CGB3: variants seen among roughly 807,000 people sequenced by gnomAD.
CGB3 encodes the protein chorionic gonadotropin subunit beta 3.
Under a neutral mutation model 5.1 loss-of-function variants are expected in CGB3, and 3 were observed. The observed-to-expected ratio is 0.59, with a 90% CI of 0.27 to 1.52. The LOEUF (loss-of-function observed/expected upper bound fraction) is 1.52. CGB3 is among the 40% of genes most tolerant of loss of function. The pLI is 0.13. For missense variants in CGB3, 44 were observed against 183.7 expected (o/e 0.24, Z 4.39); for synonymous variants, 21 against 80.9 (o/e 0.26, Z 3.97).
rs200880557 is a variant in CGB3, at chr19:49,023,911, T to C, written c.15+46A>G. 192 of 1,612,376 alleles carry C rather than the reference T, an allele frequency of 1.2e-4. 1 individual carries two copies. Among genetic ancestry groups the C allele is most frequent in the Non-Finnish European group, 1.6e-4 (191 of 1,179,786 alleles). Reference sequence around the variant, plus strand: ...GTCTGACCCCTTCTCATGCCAGTGATTGCCTGGAAGGAGGTGGAAGGTGCC... The same window carrying C: ...GTCTGACCCCTTCTCATGCCAGTGACTGCCTGGAAGGAGGTGGAAGGTGCC... On this transcript the variant is annotated intron_variant, in intron 1 of 2. Coordinates refer to ENST00000357383, the MANE Select transcript of CGB3 (RefSeq NM_000737.5).
Position 49,024,057 on chromosome 19 carries a change from T to C in CGB3, c.-86A>G. The C allele has an allele frequency of 1.3e-6, 2 of 1,596,596 alleles. No homozygotes were observed. The highest frequency in any genetic ancestry group is 1.7e-6 in the Non-Finnish European group (2 of 1,164,790). ...AGGCCACCAGGAGGTGATAGGATGCTGGGGTGAGCTCGACACTAACCCCTC... is the reference window on the plus strand; with the variant it reads ...AGGCCACCAGGAGGTGATAGGATGCCGGGGTGAGCTCGACACTAACCCCTC... On this transcript the variant is annotated 5_prime_UTR_variant, in exon 1 of 3. Coordinates refer to ENST00000357383, the MANE Select transcript of CGB3 (RefSeq NM_000737.5).
chr19:49,023,939 G>C lies in CGB3; in HGVS notation c.15+18C>G, dbSNP rs781537995. On this transcript the variant is annotated intron_variant, in intron 1 of 2. Coordinates refer to ENST00000357383, the MANE Select transcript of CGB3 (RefSeq NM_000737.5). ...CCTGGAAGGAGGTGGAAGGTGCCCA[G>C]GGGCCCTGCAGTCTTACCTGGAACA... The C allele has an allele frequency of 1.6e-5, 25 of 1,612,846 alleles. No individual in the cohort carries two copies. The highest frequency in any genetic ancestry group is 2.1e-5 in the Non-Finnish European group (25 of 1,179,770).
chr19:49,023,999 C>T lies in CGB3; in HGVS notation c.-28G>A, dbSNP rs568286047. On this transcript the variant is annotated 5_prime_UTR_variant, in exon 1 of 3. Coordinates refer to ENST00000357383, the MANE Select transcript of CGB3 (RefSeq NM_000737.5). ...TTGGTGCGTCCCCTGCCTCGTGTAC[C>T]TGGCTTTATACCTCGGGGTTGTGGG... The T allele has an allele frequency of 2.5e-6, 4 of 1,613,206 alleles. No homozygotes were observed. The African/African-American group carries it at 4.0e-5, about 16-fold the overall frequency.
In CGB3 at chr19:49,024,065, G is replaced by C. The variant is rs902442857; in HGVS notation, c.-94C>G. The C allele has an allele frequency of 2.5e-6, 4 of 1,600,212 alleles. No individual in the cohort carries two copies. Among genetic ancestry groups the C allele is most frequent in the Non-Finnish European group, 3.4e-6 (4 of 1,168,302 alleles). On this transcript the variant is annotated 5_prime_UTR_variant, in exon 1 of 3. Coordinates refer to ENST00000357383, the MANE Select transcript of CGB3 (RefSeq NM_000737.5). ...AGGAGGTGATAGGATGCTGGGGTGA[G>C]CTCGACACTAACCCCTCGGGGGGCA...
rs1346626180 is a variant in CGB3, at chr19:49,023,075, G to C, written c.309C>G (p.Ala103=). The C allele has an allele frequency of 2.1e-6, 3 of 1,453,018 alleles. No individual in the cohort carries two copies. Among genetic ancestry groups the C allele is most frequent in the Non-Finnish European group, 2.8e-6 (3 of 1,076,974 alleles). The allele number at this position is 1,453,018 out of a possible 1,614,324, so 90.0% of individuals were successfully genotyped here. The change falls in exon 3 of 3, where the codon GCC becomes GCG. Residue 103 remains alanine (A), a synonymous_variant. Transcript: ENST00000357383. ...GTGCACATTGACAGCTGAGAGCCAC[G>C]GCGTAGGAGACCACGGGGTTCACGC... The part of the protein sequence containing the change: ...PRGVNPVVSY[A]VALSCQCALC...
rs1162076323 is a variant in CGB3, at chr19:49,024,111, G to A, written c.-140C>T. ...GGGCAAGAGGTAGACAAGGCCAGGG[G>A]GGCGCAGGAGTGGCTCAGCGGAGCG... On this transcript the variant is annotated 5_prime_UTR_variant, in exon 1 of 3. Coordinates refer to ENST00000357383, the MANE Select transcript of CGB3 (RefSeq NM_000737.5). 6.0e-5 allele frequency: 92 copies of A among 1,531,122 alleles called. No homozygotes were observed. The highest frequency in any genetic ancestry group is 7.5e-5 in the Non-Finnish European group (84 of 1,114,816). The allele number at this position is 1,531,122 out of a possible 1,614,324, so 94.8% of individuals were successfully genotyped here. A position where few individuals can be genotyped will look rare whatever the true frequency, so the allele number is the denominator to read the frequency against.
chr19:49,023,085 A>G lies in CGB3; in HGVS notation c.299T>C (p.Val100Ala). Residue 100 changes from valine (V) to alanine (A), a missense_variant, in exon 3 of 3, where the codon GTC becomes GCC. By Grantham distance (64) the Val-to-Ala change is moderately conservative (BLOSUM62 0). Coordinates refer to ENST00000357383, the MANE Select transcript of CGB3 (RefSeq NM_000737.5). ...PGCPRGVNPV[V>A]SYAVALSCQC... is the part of the protein sequence containing the mutation. ...ACAGCTGAGAGCCACGGCGTAGGAG[A>G]CCACGGGGTTCACGCCGCGCGGGCA... The G allele has an allele frequency of 7.0e-7, 1 of 1,423,184 alleles. No individual in the cohort carries two copies. Among genetic ancestry groups the G allele is most frequent in the Non-Finnish European group, 9.5e-7 (1 of 1,054,158 alleles). The allele number at this position is 1,423,184 out of a possible 1,614,324, so 88.2% of individuals were successfully genotyped here.
chr19:49,023,641 G>T (rs1405555269), intron 1 of CGB3, 38 bp from the exon 2 acceptor site: 3 of 1,186,492 alleles, frequency 2.5e-6, no homozygotes, highest in East Asian at 2.6e-5. Flanking sequence ...GTCTGAGACC[G>T]CAGCCCCGAG....
chr19:49,022,902 G>A lies in CGB3; in HGVS notation c.482C>T (p.Pro161Leu), dbSNP rs200570800. Reference sequence around the variant, plus strand: ...GAGAAGCCTTTATTGTGGGAGGATCGGGGTGTCCGAGGGCCCCGGGAGTCG... The same window carrying A: ...GAGAAGCCTTTATTGTGGGAGGATCAGGGTGTCCGAGGGCCCCGGGAGTCG... ...PSRLPGPSDT[P>L]ILPQ Residue 161 changes from proline (P) to leucine (L), a missense_variant, in exon 3 of 3, where the codon CCG becomes CTG. Coordinates refer to ENST00000357383, the MANE Select transcript of CGB3 (RefSeq NM_000737.5). 4.4e-6 allele frequency: 7 copies of A among 1,580,618 alleles called. No individual in the cohort carries two copies. The Admixed American group carries it at 9.4e-5, about 21-fold the overall frequency.
chr19:49,024,303 C>T lies in CGB3; in HGVS notation c.-332G>A. On this transcript the variant is annotated 5_prime_UTR_variant, in exon 1 of 3. Transcript: ENST00000357383. Reference sequence around the variant, plus strand: ...CTGCCTATGGTGGGGTCCTGGGAGCCAGGAGGAGGCCGTGACCCGAGAAAG... The same window carrying T: ...CTGCCTATGGTGGGGTCCTGGGAGCTAGGAGGAGGCCGTGACCCGAGAAAG... 1 of 786,494 alleles carries T rather than the reference C, an allele frequency of 1.3e-6. No individual in the cohort carries two copies. The highest frequency in any genetic ancestry group is 2.5e-5 in the South Asian group (1 of 39,840). The allele number at this position is 786,494 out of a possible 1,614,324, so 48.7% of individuals were successfully genotyped here. A position where few individuals can be genotyped will look rare whatever the true frequency, so the allele number is the denominator to read the frequency against.
Position 49,024,025 on chromosome 19 carries a change from G to A in CGB3, c.-54C>T, listed in dbSNP as rs2039646371. Reference sequence around the variant, plus strand: ...TGGCTTTATACCTCGGGGTTGTGGGGGCGGCAAGGCCACCAGGAGGTGATA... The same window carrying A: ...TGGCTTTATACCTCGGGGTTGTGGGAGCGGCAAGGCCACCAGGAGGTGATA... On this transcript the variant is annotated 5_prime_UTR_variant, in exon 1 of 3. Transcript: ENST00000357383. The A allele has an allele frequency of 1.9e-6, 3 of 1,606,280 alleles. No homozygotes were observed. In the Admixed American group the frequency reaches 5.0e-5, roughly 27 times the overall value.
rs1053738836 is a variant in CGB3, at chr19:49,024,235, C to A, written c.-264G>T. Reference sequence around the variant, plus strand: ...CAGTCGTCGAGTGCTAGGGACTAGTCGAGGCTGGAGGCACAGGGAGTAGGG... The same window carrying A: ...CAGTCGTCGAGTGCTAGGGACTAGTAGAGGCTGGAGGCACAGGGAGTAGGG... On this transcript the variant is annotated 5_prime_UTR_variant, in exon 1 of 3. Coordinates refer to ENST00000357383, the MANE Select transcript of CGB3 (RefSeq NM_000737.5). 4 of 1,399,384 alleles carry A rather than the reference C, an allele frequency of 2.9e-6. No homozygotes were observed. The East Asian group carries it at 1.1e-4, about 37-fold the overall frequency. The allele number at this position is 1,399,384 out of a possible 1,614,324, so 86.7% of individuals were successfully genotyped here. A position where few individuals can be genotyped will look rare whatever the true frequency, so the allele number is the denominator to read the frequency against.
At chr19:49,023,665 A>G in intron 1 of CGB3, 62 bp from the exon 2 acceptor site, 21 of 1,386,502 alleles carry the variant, frequency 1.5e-5, no homozygotes, top group Non-Finnish European at 2.0e-5. Context: ...TGGCCTTCCC[A>G]TCCCGCGTGG....
At chr19:49,023,814 G>T (rs1391602211) in intron 1 of CGB3, 143 bp downstream of exon 1, 11 of 1,510,758 alleles carry the variant, frequency 7.3e-6, no homozygotes, top group Non-Finnish European at 9.9e-6. Flanking sequence ...GCACCTTCAG[G>T]AAATGCCCCA....
At chr19:49,023,865 C>G (rs868602894) in intron 1 of CGB3, 92 bp downstream of exon 1, 39 of 1,609,110 alleles carry the variant, frequency 2.4e-5, no homozygotes, top group East Asian at 6.7e-5. Flanking sequence ...AGAAAGAGGC[C>G]TCCTTCCACA....
intron 1 of CGB3, 32 bp downstream of exon 1, chr19:49,023,925 G>T (rs747018777): frequency 1.2e-6 from 2 of 1,612,742 alleles, no homozygotes; most frequent in South Asian, 2.2e-5. Flanking sequence ...CTGGAAGGAG[G>T]TGGAAGGTGC....
In CGB3 at chr19:49,024,151, T is replaced by A. The variant is rs78354344; in HGVS notation, c.-180A>T. 8.4e-7 allele frequency: 1 copy of A among 1,184,762 alleles called. No individual in the cohort carries two copies. The highest frequency in any genetic ancestry group is 1.5e-5 in the South Asian group (1 of 67,326). 73.4% of individuals were successfully genotyped at this position (1,184,762 alleles called of 1,614,324 possible). A position where few individuals can be genotyped will look rare whatever the true frequency, so the allele number is the denominator to read the frequency against. ...TCAGCGGAGCGCCCCAGCCCTCTCC[T>A]CTCACTGGTCCAGCGCCAAGGGTGA... is the stretch of plus-strand genomic sequence containing the variant. On this transcript the variant is annotated 5_prime_UTR_variant, in exon 1 of 3. Transcript: ENST00000357383.
At position 49,023,850 on chromosome 19, in the gene CGB3, C is replaced by T. The variant is rs1340916975; in HGVS notation, c.15+107G>A. ...CCTGAAGCTTACTGGGGGTCACGCT[C>T]CTCCAGAAAGAGGCCTCCTTCCACA... On this transcript the variant is annotated intron_variant, in intron 1 of 2. Transcript: ENST00000357383. 3.7e-6 allele frequency: 6 copies of T among 1,605,670 alleles called. No homozygotes were observed. In the Admixed American group the frequency reaches 6.7e-5, roughly 18 times the overall value.
Position 49,023,881 on chromosome 19 carries a change from C to T in CGB3, c.15+76G>A, listed in dbSNP as rs2039644490. On this transcript the variant is annotated intron_variant, in intron 1 of 2. Coordinates refer to ENST00000357383, the MANE Select transcript of CGB3 (RefSeq NM_000737.5). ...GAAAGAGGCCTCCTTCCACAGCTCA[C>T]ACTGGTCTGACCCCTTCTCATGCCA... The T allele has an allele frequency of 2.5e-6, 4 of 1,611,960 alleles. No homozygotes were observed. The South Asian group carries it at 4.4e-5, about 18-fold the overall frequency.
Sources: gnomAD v4.1 joint callset for allele counts on GRCh38, gnomAD v4.1.1 for gene constraint, MANE v1.5 for transcripts, NCBI Gene and HGNC (gene_info 2026-07-23, HGNC 2026-07-21) for gene names.